UGT1A9: variants seen among roughly 807,000 people sequenced by gnomAD.
UGT1A9 encodes the protein UDP-glucuronosyltransferase 1A9.
UGT1A9 carries 35 observed loss-of-function variants against 45.0 expected under a neutral mutation model. That is an observed-to-expected ratio of 0.78 (90% confidence interval 0.59 to 1.03). The LOEUF is 1.03. UGT1A9 is among the 50% of genes least tolerant of loss of function. The probability of loss-of-function intolerance (pLI) is 0.00; values close to 1 mark genes in which losing one functional copy is unlikely to be tolerated. For synonymous variants in UGT1A9, 278 were observed against 250.6 expected (o/e 1.11, Z -1.03); for missense variants, 687 against 666.6 (o/e 1.03, Z -0.34).
chr2:233,699,711 C>A (rs375933145), intron 1 of UGT1A9, among the ~76,000 whole-genome samples: 2 of 152,204 alleles, frequency 1.3e-5, no homozygotes, highest in South Asian at 4.1e-4. Flanking sequence ...GGTTTTCTTG[C>A]AGCATTTTTT....
intron 1 of UGT1A9, among the ~76,000 whole-genome samples, chr2:233,706,841 A>G (rs1197973943): frequency 6.6e-6 from 1 of 152,232 alleles, no homozygotes; most frequent in East Asian, 1.9e-4. Flanking sequence ...TAAACACCTC[A>G]GCAGTCTTTA....
intron 1 of UGT1A9, among the ~76,000 whole-genome samples, chr2:233,673,591 T>C (rs1390364139): frequency 1.3e-5 from 2 of 152,220 alleles, no homozygotes; most frequent in Non-Finnish European, 2.9e-5. Context: ...GGAATATGTA[T>C]GTCTCACTAT....
At chr2:233,679,491 C>T (rs1429641613) in intron 1 of UGT1A9, among the ~76,000 whole-genome samples, 1 of 152,174 alleles carries the variant, frequency 6.6e-6, no homozygotes, top group Non-Finnish European at 1.5e-5. Context: ...CCCTTCCTGC[C>T]TTACATTCTG....
At chr2:233,694,504 C>T (rs1266063005) in intron 1 of UGT1A9, among the ~76,000 whole-genome samples, 2 of 152,150 alleles carry the variant, frequency 1.3e-5, no homozygotes, top group African/African-American at 4.8e-5. Flanking sequence ...TACAGATGCC[C>T]TCCTGACATG....
chr2:233,748,199 G>T (rs1164871167), intron 1 of UGT1A9: 1 of 1,533,212 alleles, frequency 6.5e-7, no homozygotes. Context: ...TCTGCTTGTC[G>T]TAATAGCCTT....
At chr2:233,679,136 A>G (rs1455570531) in intron 1 of UGT1A9, among the ~76,000 whole-genome samples, 1 of 152,136 alleles carries the variant, frequency 6.6e-6, no homozygotes, top group Non-Finnish European at 1.5e-5. Flanking sequence ...CCTGATTGAG[A>G]GACTGAATTA....
intron 1 of UGT1A9, chr2:233,692,870 G>C (rs540721093): frequency 4.7e-5 from 70 of 1,486,054 alleles, no homozygotes; most frequent in Non-Finnish European, 6.0e-5. Context: ...CATATCAAAG[G>C]GTAAAATTCA....
At chr2:233,692,518 G>A (rs745597997) in intron 1 of UGT1A9, among the ~76,000 whole-genome samples, 2 of 152,138 alleles carry the variant, frequency 1.3e-5, no homozygotes, top group Admixed American at 6.5e-5. Context: ...TGTGGGGTCC[G>A]TGCTAACTCA....
chr2:233,725,210 A>C (rs1180169749), intron 1 of UGT1A9, among the ~76,000 whole-genome samples: 3 of 88,436 alleles, frequency 3.4e-5, no homozygotes, highest in African/African-American at 2.8e-4. Flanking sequence ...AGGCAGAGGC[A>C]GAGGCAGAGG....
intron 1 of UGT1A9, among the ~76,000 whole-genome samples, chr2:233,704,117 C>T (rs2075768191): frequency 6.6e-6 from 1 of 151,996 alleles, no homozygotes; most frequent in South Asian, 2.1e-4. Flanking sequence ...TCTCAAACTC[C>T]TTACCTCAAG....
chr2:233,673,987 T>C (rs1200974050), intron 1 of UGT1A9, among the ~76,000 whole-genome samples: 1 of 152,180 alleles, frequency 6.6e-6, no homozygotes, highest in Non-Finnish European at 1.5e-5. Context: ...ATTCAATCAC[T>C]TGTGATTGAA....
chr2:233,760,172 C>T (rs1421203838), intron 1 of UGT1A9: 1 of 1,533,858 alleles, frequency 6.5e-7, no homozygotes, highest in Admixed American at 1.9e-5. Flanking sequence ...TGTGGACTGA[C>T]AGCTTTTTAT....
chr2:233,710,441 T>G (rs568926544), intron 1 of UGT1A9, among the ~76,000 whole-genome samples: 1 of 152,258 alleles, frequency 6.6e-6, no homozygotes, highest in Non-Finnish European at 1.5e-5. Context: ...TTTTAGTCTT[T>G]TACATTTTAG....
At chr2:233,751,583 A>G (rs1290710025) in intron 1 of UGT1A9, among the ~76,000 whole-genome samples, 1 of 152,192 alleles carries the variant, frequency 6.6e-6, no homozygotes, top group Non-Finnish European at 1.5e-5. Flanking sequence ...CATAATTCCC[A>G]TGTGTTAAGG....
intron 1 of UGT1A9, among the ~76,000 whole-genome samples, chr2:233,681,673 C>T (rs2074533859): frequency 6.6e-6 from 1 of 151,820 alleles, no homozygotes; most frequent in South Asian, 2.1e-4. Flanking sequence ...TGTTTCTAAA[C>T]TCATATTGCA....
chr2:233,729,561 C>A (rs760200392), intron 1 of UGT1A9: 3 of 1,614,102 alleles, frequency 1.9e-6, no homozygotes, highest in Non-Finnish European at 2.5e-6. Flanking sequence ...ATGCTACTTC[C>A]TTTGATGTGG....
intron 1 of UGT1A9, among the ~76,000 whole-genome samples, chr2:233,694,329 G>A (rs2075215054): frequency 6.6e-6 from 1 of 151,356 alleles, no homozygotes; most frequent in Admixed American, 6.6e-5. Context: ...TTTATGTTGA[G>A]ACCTGTTTTT....
intron 1 of UGT1A9, chr2:233,755,291 C>T (rs1483791202): frequency 1.2e-5 from 8 of 651,216 alleles, no homozygotes; most frequent in Non-Finnish European, 1.9e-5. Context: ...AAAGAGCCTG[C>T]GGGGCACTGG....
At position 233,680,476 on chromosome 2, in the gene UGT1A9, G is replaced by A. The variant is rs528848775; in HGVS notation, c.855+7687G>A. ...GCAAATGTCTAGTACCAGTTAGGGT[G>A]TCCTGGAAGGAACCATCTTGTGCTT... On this transcript the variant is annotated intron_variant, in intron 1 of 4. Coordinates refer to ENST00000354728, the MANE Select transcript of UGT1A9 (RefSeq NM_021027.3). Among the ~76,000 whole-genome samples, 3 of 152,322 alleles carry A rather than the reference G, an allele frequency of 2.0e-5. No homozygotes were observed. In the South Asian group the frequency reaches 6.2e-4, roughly 32 times the overall value.
Sources: allele counts gnomAD v4.1 joint callset (sites outside exome capture counted in the v4.1 genomes callset), GRCh38; gene constraint gnomAD v4.1.1; transcripts MANE v1.5; gene names NCBI Gene and HGNC (gene_info 2026-07-23, HGNC 2026-07-21).